The following GLP2R variants were observed in gnomAD, a reference collection of about 807,000 sequenced individuals.
The protein encoded by GLP2R is glucagon-like peptide 2 receptor.
A neutral mutation model predicts 68.2 loss-of-function variants in GLP2R; 59 were observed. The observed-to-expected ratio is 0.87, with a 90% CI of 0.70 to 1.07. The LOEUF is 1.07. GLP2R is among the 50% of genes least tolerant of loss of function. The pLI is 0.00. For synonymous variants in GLP2R, 270 were observed against 265.4 expected, an observed-to-expected ratio of 1.02 and a Z score of -0.17; for missense variants, 548 against 677.4, an observed-to-expected ratio of 0.81 and a Z score of 2.12.
intron 10 of GLP2R, among the ~76,000 whole-genome samples, chr17:9,876,169 G>A (rs553006048): frequency 4.0e-4 from 61 of 152,258 alleles, no homozygotes; most frequent in African/African-American, 1.3e-3. Flanking sequence ...GAGCCACTGC[G>A]CCCGGCCCGA....
At chr17:9,866,104 C>A (rs4791897) in intron 9 of GLP2R, 67,296 of 334,932 alleles carry the variant, frequency 0.2, 10,614 homozygotes, top group African/African-American at 0.52. Context: ...TGTGTCCCAC[C>A]AGACATGGAA....
intron 1 of GLP2R, among the ~76,000 whole-genome samples, chr17:9,830,911 T>C (rs2066674075): frequency 6.6e-6 from 1 of 152,244 alleles, no homozygotes; most frequent in African/African-American, 2.4e-5. Flanking sequence ...AGTTGTGCAA[T>C]GGACAGCAGG....
intron 5 of GLP2R, among the ~76,000 whole-genome samples, chr17:9,854,875 A>G (rs2066921646): frequency 6.6e-6 from 1 of 152,194 alleles, no homozygotes; most frequent in African/African-American, 2.4e-5. Flanking sequence ...TTATAATGCT[A>G]TACTATAATA....
At position 9,883,386 on chromosome 17, in the gene GLP2R, T is replaced by C. The variant is rs4262983; in HGVS notation, c.1284+2870T>C. ...TGGAATGCCATCAAGCATACTAACA[T>C]ACACATAGGAGAGTCCCAGAAGGAG... On this transcript the variant is annotated intron_variant, in intron 11 of 12. Coordinates refer to ENST00000262441, the MANE Select transcript of GLP2R (RefSeq NM_004246.3). Among the ~76,000 whole-genome samples, 404 of 142,900 alleles carry C rather than the reference T, an allele frequency of 2.8e-3. 4 individuals are homozygous for C. The highest frequency in any genetic ancestry group is 9.1e-3 in the African/African-American group (377 of 41,238). The allele number at this position is 142,900 out of a possible 152,430, so 93.7% of individuals were successfully genotyped here. A position where few individuals can be genotyped will look rare whatever the true frequency, so the allele number is the denominator to read the frequency against.
At chr17:9,834,122 G>A (rs1247937174) in intron 2 of GLP2R, among the ~76,000 whole-genome samples, 1 of 152,112 alleles carries the variant, frequency 6.6e-6, no homozygotes, top group Non-Finnish European at 1.5e-5. Context: ...ATGATGGTGG[G>A]GTCTCTAAGG....
At chr17:9,865,118 C>G (rs1221273994) in intron 9 of GLP2R, among the ~76,000 whole-genome samples, 5 of 152,090 alleles carry the variant, frequency 3.3e-5, no homozygotes, top group African/African-American at 1.2e-4. Flanking sequence ...TCACTCTACC[C>G]AGAAAATGGC....
chr17:9,869,241 C>A (rs934784229), intron 9 of GLP2R, among the ~76,000 whole-genome samples: 5 of 152,232 alleles, frequency 3.3e-5, no homozygotes, highest in African/African-American at 1.2e-4. Flanking sequence ...TCACCCAATC[C>A]ATTCTCCACA....
chr17:9,888,043 T>C (rs2152051236), intron 12 of GLP2R, 70 bp downstream of exon 12: 1 of 1,048,868 alleles, frequency 9.5e-7, no homozygotes, highest in Non-Finnish European at 1.5e-6. Flanking sequence ...CCTCTGGAGG[T>C]TTCTGTGGAT....
intron 1 of GLP2R, among the ~76,000 whole-genome samples, chr17:9,827,976 A>AAT (rs2066647943): frequency 6.6e-6 from 1 of 151,612 alleles, no homozygotes; most frequent in African/African-American, 2.4e-5. Context: ...AAAAAAAAAA[A>AAT]AAAAGGAATG....
intron 4 of GLP2R, among the ~76,000 whole-genome samples, 156 bp from the exon 5 acceptor site, chr17:9,854,339 T>A (rs545642579): frequency 6.6e-6 from 1 of 152,348 alleles, no homozygotes; most frequent in East Asian, 1.9e-4. Context: ...CAATCTAAAC[T>A]ACCCTATTTG....
At chr17:9,869,671 C>T (rs932503133) in intron 9 of GLP2R, among the ~76,000 whole-genome samples, 1 of 152,208 alleles carries the variant, frequency 6.6e-6, no homozygotes, top group African/African-American at 2.4e-5. Flanking sequence ...GATCTCCCAA[C>T]AGGCTGCTTG....
At position 9,873,556 on chromosome 17, in the gene GLP2R, CT is replaced by C. The variant is rs3073988; in HGVS notation, c.1145+2744del. Among the ~76,000 whole-genome samples the C allele has an allele frequency of 1.1e-3, 59 of 52,054 alleles. 1 individual carries two copies. The highest frequency in any genetic ancestry group is 0.019 in the Middle Eastern group (1 of 54). The allele number at this position is 52,054 out of a possible 152,430, so 34.1% of individuals were successfully genotyped here. A position where few individuals can be genotyped will look rare whatever the true frequency, so the allele number is the denominator to read the frequency against. On this transcript the variant is annotated intron_variant, in intron 10 of 12. Transcript: ENST00000262441. ...GGATATCACAAAAACTATGCATGGA[CT>C]TTTTTTTTTTTTTTTTTTTTTTAGC...
chr17:9,859,369 C>G (rs1196064427), intron 6 of GLP2R, among the ~76,000 whole-genome samples: 1 of 151,984 alleles, frequency 6.6e-6, no homozygotes, highest in Non-Finnish European at 1.5e-5. Flanking sequence ...TTTTGTTTGT[C>G]TAAAAATGTC....
At chr17:9,887,333 C>G (rs1220659886) in intron 11 of GLP2R, among the ~76,000 whole-genome samples, 1 of 152,024 alleles carries the variant, frequency 6.6e-6, no homozygotes, top group Non-Finnish European at 1.5e-5. Context: ...TTGAGACCAG[C>G]CTGCCCAACA....
chr17:9,861,091 G>A (rs778716194), intron 7 of GLP2R, 48 bp from the exon 8 acceptor site: 3 of 1,443,416 alleles, frequency 2.1e-6, no homozygotes, highest in East Asian at 2.3e-5. Context: ...AGGCAAGCAG[G>A]TTTGGCCAAC....
At chr17:9,836,816 C>T (rs531376521) in intron 3 of GLP2R, among the ~76,000 whole-genome samples, 104 of 150,336 alleles carry the variant, frequency 6.9e-4, no homozygotes, top group African/African-American at 2.5e-3. Context: ...TCAAAATGGA[C>T]GATCAAGTTA....
chr17:9,837,470 A>T (rs2066743472), intron 3 of GLP2R, among the ~76,000 whole-genome samples: 1 of 152,174 alleles, frequency 6.6e-6, no homozygotes, highest in Non-Finnish European at 1.5e-5. Flanking sequence ...GGGGAGAAAG[A>T]TTGGGATGCT....
chr17:9,857,705 A>G (rs1403053239), intron 6 of GLP2R, 129 bp downstream of exon 6: 1 of 886,904 alleles, frequency 1.1e-6, no homozygotes, highest in Non-Finnish European at 1.8e-6. Flanking sequence ...CTTTCTGGCT[A>G]GAGAAGTAGT....
intron 3 of GLP2R, among the ~76,000 whole-genome samples, chr17:9,840,167 G>C (rs2066772431): frequency 1.3e-5 from 2 of 152,084 alleles, no homozygotes; most frequent in Non-Finnish European, 2.9e-5. Context: ...AATAGAGACA[G>C]GGTTTCACTA....
Sources: gnomAD v4.1 joint callset for allele counts (sites outside exome capture counted in the v4.1 genomes callset) on GRCh38, gnomAD v4.1.1 for gene constraint, MANE v1.5 for transcripts, NCBI Gene and HGNC (gene_info 2026-07-23, HGNC 2026-07-21) for gene names.